The following SSBP3 variants were observed in gnomAD, a reference collection of about 807,000 sequenced individuals.
The protein encoded by SSBP3 is single stranded DNA binding protein 3.
Under a neutral mutation model 69.6 loss-of-function variants are expected in SSBP3, and 5 were observed. The ratio of observed to expected loss-of-function variants is 0.07; its 90% CI spans 0.04 to 0.15. The LOEUF (loss-of-function observed/expected upper bound fraction) is 0.15. Ranked by LOEUF, SSBP3 falls within the 10% of genes least tolerant of loss-of-function variation. The pLI is 1.00. For synonymous variants in SSBP3, 196 were observed against 193.4 expected (o/e 1.01, Z -0.11); for missense variants, 312 against 534.0 (o/e 0.58, Z 4.10).
At chr1:54,404,335 G>A (rs1006413695) in intron 3 of SSBP3, among the ~76,000 whole-genome samples, 1 of 152,172 alleles carries the variant, frequency 6.6e-6, no homozygotes, top group Non-Finnish European at 1.5e-5. Context: ...TAAAAGTAAG[G>A]AGTTTCTACC....
At chr1:54,295,188 G>A (rs574038185) in intron 4 of SSBP3, among the ~76,000 whole-genome samples, 16 of 152,232 alleles carry the variant, frequency 1.1e-4, no homozygotes, top group Middle Eastern at 3.4e-3. Flanking sequence ...CAGGATCCCT[G>A]CAGCTCACTA....
intron 3 of SSBP3, among the ~76,000 whole-genome samples, chr1:54,402,194 C>T (rs958365624): frequency 6.6e-6 from 1 of 152,158 alleles, no homozygotes; most frequent in African/African-American, 2.4e-5. Context: ...GCTTCACACC[C>T]GTATTACTTG....
intron 6 of SSBP3, 127 bp downstream of exon 6, chr1:54,257,942 T>G: frequency 1.2e-6 from 1 of 859,436 alleles, no homozygotes; most frequent in Non-Finnish European, 1.7e-6. Flanking sequence ...TAAAAAAATT[T>G]AATTTGTCAA....
chr1:54,228,177 G>T, intron 17 of SSBP3, 78 bp downstream of exon 17: 1 of 1,341,744 alleles, frequency 7.5e-7, no homozygotes, highest in Non-Finnish European at 1.1e-6. Flanking sequence ...CTGCAGCCCG[G>T]CTCCGTAGCT....
intron 4 of SSBP3, among the ~76,000 whole-genome samples, chr1:54,374,323 G>A (rs906439941): frequency 1.3e-5 from 2 of 152,206 alleles, no homozygotes; most frequent in African/African-American, 2.4e-5. Context: ...CTCACAAGGA[G>A]CACAGGCTCC....
In SSBP3 at chr1:54,405,842, C is replaced by T. The variant is rs1422299715; in HGVS notation, c.56+111G>A. 2.8e-5 allele frequency: 19 copies of T among 673,286 alleles called. No homozygotes were observed. The African/African-American group carries it at 3.4e-4, about 12-fold the overall frequency. 41.7% of individuals were successfully genotyped at this position (673,286 alleles called of 1,614,324 possible). A position where few individuals can be genotyped will look rare whatever the true frequency, so the allele number is the denominator to read the frequency against. ...GGCAGGCGGCGCCTGGACCCGGGGA[C>T]CCGAGGGCGCAGCAGCCTCCGGCCC... On this transcript the variant is annotated intron_variant, in intron 1 of 17. Coordinates refer to ENST00000610401, the Ensembl canonical transcript of SSBP3.
At chr1:54,349,822 C>T (rs1646753278) in intron 4 of SSBP3, among the ~76,000 whole-genome samples, 1 of 152,046 alleles carries the variant, frequency 6.6e-6, no homozygotes, top group South Asian at 2.1e-4. Context: ...ACTTTCCTCT[C>T]CTCTCCTCAT....
At chr1:54,348,990 T>A (rs1029326353) in intron 4 of SSBP3, among the ~76,000 whole-genome samples, 1 of 152,228 alleles carries the variant, frequency 6.6e-6, no homozygotes, top group Non-Finnish European at 1.5e-5. Context: ...ACCAGCAAGC[T>A]GCTGCTCTTC....
intron 4 of SSBP3, among the ~76,000 whole-genome samples, chr1:54,360,618 G>A (rs1188871844): frequency 1.3e-5 from 2 of 152,122 alleles, no homozygotes; most frequent in Admixed American, 1.3e-4. Context: ...AAACTAGGAG[G>A]CAGTGTGGTG....
chr1:54,232,205 T>C (rs1420239031), intron 14 of SSBP3, among the ~76,000 whole-genome samples: 1 of 152,228 alleles, frequency 6.6e-6, no homozygotes, highest in African/African-American at 2.4e-5. Context: ...GATTGATATG[T>C]ATGAGGAAAA....
intron 4 of SSBP3, among the ~76,000 whole-genome samples, chr1:54,342,717 A>G (rs115759926): frequency 6.6e-6 from 1 of 152,298 alleles, no homozygotes; most frequent in African/African-American, 2.4e-5. Context: ...ACCTCCCTGA[A>G]CCTCAGTATT....
intron 4 of SSBP3, among the ~76,000 whole-genome samples, chr1:54,327,780 A>C (rs935680323): frequency 1.8e-4 from 28 of 152,156 alleles, no homozygotes; most frequent in Non-Finnish European, 1.2e-4. Flanking sequence ...AGGACAACAG[A>C]TTCAACAGGA....
chr1:54,272,838 A>G (rs1242469731), intron 5 of SSBP3, among the ~76,000 whole-genome samples: 1 of 152,250 alleles, frequency 6.6e-6, no homozygotes, highest in Non-Finnish European at 1.5e-5. Context: ...GAACGCAGCT[A>G]CTGACACCCA....
chr1:54,240,835 C>A (rs1644622407), intron 13 of SSBP3, 70 bp downstream of exon 13: 6 of 1,599,748 alleles, frequency 3.8e-6, no homozygotes, highest in Non-Finnish European at 5.1e-6. Context: ...CAGTGCCCCT[C>A]CAGGTCTCTC....
At chr1:54,253,175 T>G (rs954434969) in intron 7 of SSBP3, among the ~76,000 whole-genome samples, 16 of 27,988 alleles carry the variant, frequency 5.7e-4, no homozygotes, top group African/African-American at 2.8e-3. Context: ...TTTGTTTTTG[T>G]TTTTTTTTTA....
At chr1:54,400,476 T>A (rs148737239) in intron 4 of SSBP3, among the ~76,000 whole-genome samples, 533 of 152,246 alleles carry the variant, frequency 3.5e-3, no homozygotes, top group African/African-American at 8.1e-3. Flanking sequence ...CAGGAAACCT[T>A]ATCATCACCA....
intron 4 of SSBP3, among the ~76,000 whole-genome samples, chr1:54,379,371 G>A (rs12409431): frequency 0.095 from 14,536 of 152,212 alleles, 949 homozygotes; most frequent in East Asian, 0.28. Context: ...TGTAATGAAG[G>A]TGAGTGGCCA....
At chr1:54,263,179 C>T (rs1645044562) in intron 5 of SSBP3, among the ~76,000 whole-genome samples, 1 of 152,166 alleles carries the variant, frequency 6.6e-6, no homozygotes, top group Non-Finnish European at 1.5e-5. Flanking sequence ...AAAGCCTTTA[C>T]CCACACTGAC....
At position 54,369,218 on chromosome 1, in the gene SSBP3, C is replaced by CGGCG. The variant is rs562400097; in HGVS notation, c.276+32642_276+32643insCGCC. The stretch of plus-strand genomic sequence containing the variant: ...CACATGGGAAAAAGTCCTCTTGAGT[C>CGGCG]GGGGGGGGGGCCCAAGCCAGGCTCC... On this transcript the variant is annotated intron_variant, in intron 4 of 17. Transcript: ENST00000610401. Among the ~76,000 whole-genome samples the CGGCG allele has an allele frequency of 1.0e-3, 130 of 124,728 alleles. 3 individuals carry two copies. Among genetic ancestry groups the CGGCG allele is most frequent in the African/African-American group, 4.2e-3 (126 of 29,912 alleles). The allele number at this position is 124,728 out of a possible 152,430, so 81.8% of individuals were successfully genotyped here. A position where few individuals can be genotyped will look rare whatever the true frequency, so the allele number is the denominator to read the frequency against.
Sources: allele counts gnomAD v4.1 joint callset (sites outside exome capture counted in the v4.1 genomes callset), GRCh38; gene constraint gnomAD v4.1.1; transcripts MANE v1.5; gene names NCBI Gene and HGNC (gene_info 2026-07-23, HGNC 2026-07-21).